MICAL3: variants seen among roughly 807,000 people sequenced by gnomAD.
MICAL3 encodes [F-actin]-monooxygenase MICAL3.
A neutral mutation model predicts 207.4 loss-of-function variants in MICAL3; 62 were observed. The observed-to-expected ratio is 0.30, with a 90% CI of 0.24 to 0.37. The LOEUF (loss-of-function observed/expected upper bound fraction) is 0.37. Among genes scored for constraint, MICAL3 ranks in the 10% least tolerant of loss-of-function variants. MICAL3 has a pLI of 1.00. For missense variants in MICAL3, 2,368 were observed against 2,635.6 expected, an observed-to-expected ratio of 0.90 and a Z score of 2.22; for synonymous variants, 1,077 against 1,069.3, an observed-to-expected ratio of 1.01 and a Z score of -0.14.
intron 19 of MICAL3, among the ~76,000 whole-genome samples, chr22:17,852,732 C>T (rs1371092894): frequency 6.6e-6 from 1 of 152,202 alleles, no homozygotes; most frequent in African/African-American, 2.4e-5. Context: ...GAGAAAGCTA[C>T]CTGGCTCCTA....
intron 1 of MICAL3, among the ~76,000 whole-genome samples, chr22:17,910,553 T>C (rs938219441): frequency 6.6e-6 from 1 of 152,140 alleles, no homozygotes; most frequent in African/African-American, 2.4e-5. Context: ...CTGGTGACAA[T>C]GGATGAACAG....
intron 20 of MICAL3, chr22:17,834,340 C>A: frequency 8.3e-7 from 1 of 1,210,764 alleles, no homozygotes; most frequent in Non-Finnish European, 1.0e-6. Context: ...GTTCATTTAC[C>A]TGGATAAAAT....
chr22:17,993,342 C>A, intron 1 of MICAL3, among the ~76,000 whole-genome samples: 1 of 151,960 alleles, frequency 6.6e-6, no homozygotes. Flanking sequence ...TGGTGGTTTG[C>A]TGCACCTGTC....
intron 1 of MICAL3, among the ~76,000 whole-genome samples, chr22:17,943,212 G>C (rs1933893106): frequency 1.3e-5 from 2 of 152,126 alleles, no homozygotes; most frequent in Admixed American, 1.3e-4. Context: ...ACCCGGGCTT[G>C]AGTGCAATGG....
chr22:17,818,436 CG>C lies in MICAL3; in HGVS notation c.4224del (p.Asp1409ThrfsTer29). The C allele has an allele frequency of 6.2e-7, 1 of 1,612,716 alleles. No individual in the cohort carries two copies. The highest frequency in any genetic ancestry group is 8.5e-7 in the Non-Finnish European group (1 of 1,179,878). On this transcript the variant is annotated frameshift_variant, in exon 26 of 32. Coordinates refer to ENST00000441493, the MANE Select transcript of MICAL3 (RefSeq NM_015241.3). LOFTEE classifies it high-confidence loss of function. ...TCCTGGGCGCTGCGTAGCTCTCTGT[CG>C]GACGGGGACCGGGGGGTTGGCAGGG... ...PLSLPTPRSPSDRELRSAQEE... is the reference protein window; with the variant it reads ...PLSLPTPRSPXDRELRSAQEE...
intron 1 of MICAL3, among the ~76,000 whole-genome samples, chr22:17,972,369 A>C (rs1415632103): frequency 6.6e-6 from 1 of 152,226 alleles, no homozygotes; most frequent in Admixed American, 6.5e-5. Flanking sequence ...CGGGTTTCCC[A>C]AAGAGGGTGG....
chr22:17,984,117 T>A (rs1310471854), intron 1 of MICAL3, among the ~76,000 whole-genome samples: 2 of 152,120 alleles, frequency 1.3e-5, no homozygotes, highest in African/African-American at 4.8e-5. Flanking sequence ...ACAGCTCTTC[T>A]TAGAAGCCAC....
intron 1 of MICAL3, among the ~76,000 whole-genome samples, chr22:17,910,686 C>T (rs968825007): frequency 6.6e-6 from 1 of 152,192 alleles, no homozygotes; most frequent in Admixed American, 6.5e-5. Context: ...CGCAAAGACT[C>T]CTCCAGAGTG....
Position 17,859,547 on chromosome 22 carries a change from T to C in MICAL3, c.2605+5352A>G, listed in dbSNP as rs370233899. Among the ~76,000 whole-genome samples, 10 of 152,330 alleles carry C rather than the reference T, an allele frequency of 6.6e-5. 1 individual carries two copies. The highest frequency in any genetic ancestry group is 2.4e-4 in the African/African-American group (10 of 41,570). On this transcript the variant is annotated intron_variant, in intron 19 of 31. Coordinates refer to ENST00000441493, the MANE Select transcript of MICAL3 (RefSeq NM_015241.3). ...TTAATGCAGGCTAGTCCCTCCAGGC[T>C]GGAGAAGGGCCAAAAAGAATCAGAT... is the stretch of plus-strand genomic sequence containing the variant.
In MICAL3 at chr22:17,928,498, G is replaced by C. The variant is rs140705565; in HGVS notation, c.-74-21612C>G. Among the ~76,000 whole-genome samples, 5 of 152,102 alleles carry C rather than the reference G, an allele frequency of 3.3e-5. No individual in the cohort carries two copies. The East Asian group carries it at 9.7e-4, about 29-fold the overall frequency. On this transcript the variant is annotated intron_variant, in intron 1 of 31. Coordinates refer to ENST00000441493, the MANE Select transcript of MICAL3 (RefSeq NM_015241.3). Reference sequence around the variant, plus strand: ...ACCTGTCTGCATGCGTCTTCATGTAGTGTATGAGATATATCTAGTGTGGTG... The same window carrying C: ...ACCTGTCTGCATGCGTCTTCATGTACTGTATGAGATATATCTAGTGTGGTG...
intron 1 of MICAL3, among the ~76,000 whole-genome samples, chr22:17,982,283 T>C (rs558811102): frequency 3.7e-4 from 56 of 152,202 alleles, no homozygotes; most frequent in Non-Finnish European, 7.1e-4. Context: ...ATGCAGGCTT[T>C]CCCACAGCCG....
At chr22:17,921,793 G>T (rs904117872) in intron 1 of MICAL3, among the ~76,000 whole-genome samples, 3 of 152,082 alleles carry the variant, frequency 2.0e-5, no homozygotes, top group African/African-American at 7.2e-5. Flanking sequence ...CCGGCTAGCT[G>T]TCCCTTAATC....
At chr22:17,965,110 TCCCTCCTTC>T (rs1486793567) in intron 1 of MICAL3, among the ~76,000 whole-genome samples, 1 of 142,430 alleles carries the variant, frequency 7.0e-6, no homozygotes, top group South Asian at 2.2e-4. Context: ...TGCTCTCCTT[TCCCTCCTTC>T]CCCTTCTATT....
At chr22:17,975,833 A>T (rs1025363893) in intron 1 of MICAL3, among the ~76,000 whole-genome samples, 1 of 152,172 alleles carries the variant, frequency 6.6e-6, no homozygotes. Context: ...TGGGCAGATC[A>T]CGAGGTCAGA....
intron 1 of MICAL3, among the ~76,000 whole-genome samples, chr22:17,917,399 T>A (rs777369783): frequency 2.0e-5 from 3 of 152,142 alleles, no homozygotes; most frequent in Non-Finnish European, 4.4e-5. Flanking sequence ...TGCATTTCTG[T>A]CACATCCCAC....
At chr22:17,874,443 C>A (rs1010485028) in intron 16 of MICAL3, among the ~76,000 whole-genome samples, 4 of 152,156 alleles carry the variant, frequency 2.6e-5, no homozygotes, top group African/African-American at 9.7e-5. Context: ...GCCAGGACAC[C>A]AAGCCAGCCC....
intron 16 of MICAL3, chr22:17,879,247 G>C: frequency 9.9e-7 from 1 of 1,008,500 alleles, no homozygotes; most frequent in South Asian, 1.9e-5. Flanking sequence ...GCAAGGGGAG[G>C]GGGCCGTCCC....
At chr22:17,854,995 C>G (rs1193550160) in intron 19 of MICAL3, among the ~76,000 whole-genome samples, 1 of 152,208 alleles carries the variant, frequency 6.6e-6, no homozygotes, top group Non-Finnish European at 1.5e-5. Flanking sequence ...TCTTTTTCCC[C>G]ATTTTCCAGA....
chr22:18,002,878 T>C (rs1379262518), intron 1 of MICAL3, among the ~76,000 whole-genome samples: 1 of 151,580 alleles, frequency 6.6e-6, no homozygotes. Flanking sequence ...AACTTTAGGC[T>C]GGGCGCGGTG....
Sources: allele counts gnomAD v4.1 joint callset (sites outside exome capture counted in the v4.1 genomes callset), GRCh38; gene constraint gnomAD v4.1.1; transcripts MANE v1.5; gene names NCBI Gene and HGNC (gene_info 2026-07-23, HGNC 2026-07-21).